Variants in CCDC191 observed in about 807,000 individuals in gnomAD.
CCDC191 encodes coiled-coil domain-containing protein 191.
In CCDC191, 99 loss-of-function variants were observed where a neutral mutation model predicts 114.0. That is an observed-to-expected ratio of 0.87 (90% confidence interval 0.74 to 1.03). The LOEUF is 1.03. CCDC191 is among the 50% of genes least tolerant of loss of function. CCDC191 has a pLI of 0.00. For synonymous variants in CCDC191, 351 were observed against 376.0 expected (o/e 0.93, Z 0.77); for missense variants, 973 against 1,087.0 (o/e 0.90, Z 1.47).
At chr3:113,967,814 T>C (rs1180664266) in intron 16 of CCDC191, among the ~76,000 whole-genome samples, 1 of 152,194 alleles carries the variant, frequency 6.6e-6, no homozygotes, top group African/African-American at 2.4e-5. Flanking sequence ...TTCCAGCCTC[T>C]GGTAACCACC....
chr3:114,035,465 T>C (rs1418834522), intron 5 of CCDC191, among the ~76,000 whole-genome samples: 1 of 152,212 alleles, frequency 6.6e-6, no homozygotes, highest in Non-Finnish European at 1.5e-5. Flanking sequence ...TGTAAGATTG[T>C]CCAAGGTGTA....
At chr3:114,027,623 G>A (rs67548548) in intron 7 of CCDC191, among the ~76,000 whole-genome samples, 24,614 of 121,040 alleles carry the variant, frequency 0.2, 3,067 homozygotes, top group South Asian at 0.28. Flanking sequence ...AAAAAAAAAA[G>A]AAAAAAAAAT....
At chr3:114,023,755 A>G (rs2076277947) in intron 7 of CCDC191, among the ~76,000 whole-genome samples, 1 of 152,284 alleles carries the variant, frequency 6.6e-6, no homozygotes, top group South Asian at 2.1e-4. Context: ...TAAAAACCCT[A>G]GCAGAAAACC....
chr3:113,979,127 C>A, intron 14 of CCDC191, 117 bp from the exon 15 acceptor site: 1 of 923,952 alleles, frequency 1.1e-6, no homozygotes, highest in Non-Finnish European at 1.6e-6. Context: ...AGAGAATAAT[C>A]TGAAGGTACA....
chr3:114,056,042 A>T (rs78095485), intron 1 of CCDC191, among the ~76,000 whole-genome samples: 11 of 151,994 alleles, frequency 7.2e-5, no homozygotes, highest in African/African-American at 2.7e-4. Context: ...AGAGAAAAAG[A>T]AAGAAATGTG....
intron 4 of CCDC191, among the ~76,000 whole-genome samples, chr3:114,038,432 T>G (rs1003377975): frequency 7.9e-5 from 12 of 152,190 alleles, no homozygotes; most frequent in African/African-American, 2.9e-4. Context: ...GTGTTTGTGG[T>G]GATGCTGGTA....
chr3:113,976,528 C>G (rs1430664147), intron 16 of CCDC191, among the ~76,000 whole-genome samples: 3 of 151,426 alleles, frequency 2.0e-5, no homozygotes, highest in African/African-American at 7.3e-5. Flanking sequence ...ATGGTTTGTG[C>G]AAAAGCCCCA....
intron 13 of CCDC191, among the ~76,000 whole-genome samples, chr3:113,985,625 C>T (rs1166725320): frequency 1.3e-5 from 2 of 152,174 alleles, no homozygotes; most frequent in African/African-American, 4.8e-5. Flanking sequence ...CTTATATAAG[C>T]TTCCAATAAT....
rs887462990 is a variant in CCDC191, at chr3:114,054,468, TA to T, written c.91-834del. ...TAATACGGTGAAACCCCGTCTCTAC[TA>T]AAAAAAAAATACAAAAAATTAACCA... On this transcript the variant is annotated intron_variant, in intron 1 of 16. Transcript: ENST00000295878. Among the ~76,000 whole-genome samples, 26 of 148,440 alleles carry T rather than the reference TA, an allele frequency of 1.8e-4. No homozygotes were observed. In the South Asian group the frequency reaches 3.2e-3, roughly 18 times the overall value.
At chr3:114,047,810 A>G (rs1426754028) in intron 2 of CCDC191, among the ~76,000 whole-genome samples, 1 of 151,394 alleles carries the variant, frequency 6.6e-6, no homozygotes, top group Non-Finnish European at 1.5e-5. Context: ...CCCTGTATCT[A>G]CTAAAAATAC....
intron 2 of CCDC191, among the ~76,000 whole-genome samples, chr3:114,051,207 G>C (rs1369278340): frequency 3.3e-5 from 5 of 152,102 alleles, no homozygotes; most frequent in African/African-American, 7.2e-5. Flanking sequence ...CCATCTCCCT[G>C]TTTCATTCTC....
At chr3:114,055,731 C>G (rs1559940182) in intron 1 of CCDC191, among the ~76,000 whole-genome samples, 4 of 152,156 alleles carry the variant, frequency 2.6e-5, no homozygotes. Context: ...TGTGACTTTG[C>G]ACATGTCACA....
chr3:114,034,297 C>A (rs2076449380), intron 6 of CCDC191, among the ~76,000 whole-genome samples: 1 of 152,026 alleles, frequency 6.6e-6, no homozygotes, highest in South Asian at 2.1e-4. Flanking sequence ...CAATGTAATA[C>A]CTATTAAAAG....
rs149961381 is a variant in CCDC191, at chr3:113,978,194, G to A, written c.2598C>T (p.His866=). 2.7e-4 allele frequency: 436 copies of A among 1,613,940 alleles called. 1 individual carries two copies. The East Asian group carries it at 6.8e-3, about 25-fold the overall frequency. ...CACTATCAAAACCTCACCTGTCACT[G>A]TGCTCCGCTGCAATCTCATGCTTGC... ...SQGKHEIAAE[H]SDRRILWITL... is the part of the protein sequence containing the mutation. Residue 866 remains histidine, a synonymous_variant, in exon 16 of 17, where the codon CAC becomes CAT. Transcript: ENST00000295878.
intron 16 of CCDC191, among the ~76,000 whole-genome samples, chr3:113,972,462 G>C (rs972556571): frequency 8.6e-5 from 13 of 151,932 alleles, no homozygotes; most frequent in African/African-American, 3.1e-4. Context: ...TCTGTTTTTT[G>C]AATTTGTTGA....
At chr3:114,000,227 T>G (rs2075828421) in intron 13 of CCDC191, among the ~76,000 whole-genome samples, 1 of 152,226 alleles carries the variant, frequency 6.6e-6, no homozygotes, top group South Asian at 2.1e-4. Flanking sequence ...TTGGTGGGCA[T>G]CATCCAATCT....
At chr3:113,974,866 ATC>A (rs1941173810) in intron 16 of CCDC191, among the ~76,000 whole-genome samples, 2 of 151,524 alleles carry the variant, frequency 1.3e-5, no homozygotes, top group South Asian at 2.1e-4. Context: ...TGCTCTCTCA[ATC>A]TCTCTCTTTC....
At chr3:113,998,391 A>G (rs537441629) in intron 13 of CCDC191, among the ~76,000 whole-genome samples, 14 of 152,030 alleles carry the variant, frequency 9.2e-5, no homozygotes, top group Non-Finnish European at 1.9e-4. Context: ...AAGCATCGCT[A>G]TCATAGGAGA....
At chr3:114,041,243 A>G (rs1405750538) in intron 4 of CCDC191, among the ~76,000 whole-genome samples, 1 of 152,210 alleles carries the variant, frequency 6.6e-6, no homozygotes. Context: ...AATGTCCAGA[A>G]GGCAGCAACG....
Sources: allele counts gnomAD v4.1 joint callset (sites outside exome capture counted in the v4.1 genomes callset), GRCh38; gene constraint gnomAD v4.1.1; transcripts MANE v1.5; gene names NCBI Gene and HGNC (gene_info 2026-07-23, HGNC 2026-07-21).